The following AURKB variants were observed in gnomAD, a reference collection of about 807,000 sequenced individuals.
AURKB encodes the protein aurora kinase B.
In AURKB, 28 loss-of-function variants were observed where a neutral mutation model predicts 36.5. The ratio of observed to expected loss-of-function variants is 0.77; its 90% CI spans 0.57 to 1.05. The LOEUF is 1.05. Among genes scored for constraint, AURKB ranks in the 50% least tolerant of loss-of-function variants. The probability of loss-of-function intolerance (pLI) is 0.00; values close to 1 mark genes in which losing one functional copy is unlikely to be tolerated. For missense variants in AURKB, 383 were observed against 447.4 expected (o/e 0.86, Z 1.30); for synonymous variants, 175 against 172.9 (o/e 1.01, Z -0.09).
intron 4 of AURKB, 74 bp downstream of exon 4, chr17:8,207,497 G>T: frequency 1.9e-6 from 3 of 1,582,466 alleles, no homozygotes; most frequent in Non-Finnish European, 2.6e-6. Context: ...CCCGTGCTTA[G>T]GTTTTATCTC....
chr17:8,207,728 C>T lies in AURKB; in HGVS notation c.151+10G>A, dbSNP rs768259013. On this transcript the variant is annotated intron_variant, in intron 3 of 8. Transcript: ENST00000585124. ...CCCCAGCTCAGTCCTCTCCCCCTTG[C>T]GCCAGTTACCTGTGGGCTGGACATT... 3.2e-5 allele frequency: 51 copies of T among 1,613,902 alleles called. No homozygotes were observed. The highest frequency in any genetic ancestry group is 4.0e-5 in the Non-Finnish European group (47 of 1,179,916).
chr17:8,207,803 A>G lies in AURKB; in HGVS notation c.86T>C (p.Leu29Pro), dbSNP rs769224760. ...AGATGGGGTGACAGGCTCTTTCCGG[A>G]GGACTCGCTGGGGCAGGGTGCTCAG... is the stretch of plus-strand genomic sequence containing the variant. ...SGLSTLPQRV[L>P]RKEPVTPSAL... The change falls in exon 3 of 9, where the codon CTC becomes CCC. Residue 29 changes from leucine (L) to proline (P), a missense_variant. Leu to Pro is a moderately conservative substitution (Grantham distance 98). Coordinates refer to ENST00000585124, the MANE Select transcript of AURKB (RefSeq NM_004217.4). 9.9e-6 allele frequency: 16 copies of G among 1,613,974 alleles called. No homozygotes were observed. The East Asian group carries it at 3.1e-4, about 31-fold the overall frequency.
chr17:8,206,690 A>G lies in AURKB; in HGVS notation c.538-51T>C. The G allele has an allele frequency of 6.2e-7, 1 of 1,613,638 alleles. No homozygotes were observed. Among genetic ancestry groups the G allele is most frequent in the Non-Finnish European group, 8.5e-7 (1 of 1,179,700 alleles). On this transcript the variant is annotated intron_variant, in intron 6 of 8. Transcript: ENST00000585124. The surrounding 1 kb of genome is among the most constrained non-coding windows in gnomAD (Gnocchi z 4.2). ...AGACAAGGATGGACCTCCAGCTACAAGCAGCACACCCTCAGCCTCGAGCCC... is the reference window on the plus strand; with the variant it reads ...AGACAAGGATGGACCTCCAGCTACAGGCAGCACACCCTCAGCCTCGAGCCC...
chr17:8,208,593 AAAATAAAT>A (rs60763099), intron 2 of AURKB, among the ~76,000 whole-genome samples: 1,767 of 141,320 alleles, frequency 0.013, 40 homozygotes, highest in African/African-American at 0.042. Context: ...TCCGTCTCAA[AAAATAAAT>A]AAATAAATAA....
intron 4 of AURKB, 50 bp from the exon 5 acceptor site, chr17:8,207,417 G>A (rs926619736): frequency 1.3e-6 from 2 of 1,593,054 alleles, no homozygotes; most frequent in African/African-American, 2.7e-5. Context: ...TGGTTATTAA[G>A]AGGTTTGCTT....
intron 2 of AURKB, among the ~76,000 whole-genome samples, chr17:8,208,424 CA>C (rs749243188): frequency 3.7e-3 from 455 of 124,094 alleles, no homozygotes; most frequent in African/African-American, 9.9e-3. Flanking sequence ...GACTCCATCT[CA>C]AAAAAAAAAA....
Position 8,205,527 on chromosome 17 carries a change from G to A in AURKB, c.687-137C>T, listed in dbSNP as rs900415494. The A allele has an allele frequency of 2.3e-5, 25 of 1,096,630 alleles. No homozygotes were observed. The Admixed American group carries it at 5.5e-4, about 24-fold the overall frequency. The allele number at this position is 1,096,630 out of a possible 1,614,324, so 67.9% of individuals were successfully genotyped here. On this transcript the variant is annotated intron_variant, in intron 7 of 8. Transcript: ENST00000585124. The stretch of plus-strand genomic sequence containing the variant: ...CCAGCCAGGCAAGGCCACTGGAGTG[G>A]GGGTGGGGTTGGGGTGATGATATAT...
Position 8,204,734 on chromosome 17 carries a change from T to C in AURKB, c.*137A>G, listed in dbSNP as rs1485266246. ...CTCCACCTAGAAACATCTACACTCATGAGTACAAAAAGCTTCAGCCTTTAT... is the reference window on the plus strand; with the variant it reads ...CTCCACCTAGAAACATCTACACTCACGAGTACAAAAAGCTTCAGCCTTTAT... On this transcript the variant is annotated 3_prime_UTR_variant, in exon 9 of 9. Transcript: ENST00000585124. The C allele has an allele frequency of 5.0e-6, 6 of 1,195,054 alleles. No homozygotes were observed. The highest frequency in any genetic ancestry group is 4.6e-5 in the African/African-American group (3 of 64,578). The allele number at this position is 1,195,054 out of a possible 1,614,324, so 74.0% of individuals were successfully genotyped here.
intron 2 of AURKB, 67 bp downstream of exon 2, chr17:8,210,110 C>CAAGTT: frequency 6.3e-7 from 1 of 1,580,806 alleles, no homozygotes; most frequent in East Asian, 2.2e-5. Flanking sequence ...TGCAGGATCT[C>CAAGTT]AAGTTTCCCA....
chr17:8,206,049 C>T lies in AURKB; in HGVS notation c.686+442G>A, dbSNP rs754504890. Among the ~76,000 whole-genome samples the T allele has an allele frequency of 6.6e-6, 1 of 151,654 alleles. No homozygotes were observed. Among genetic ancestry groups the T allele is most frequent in the Non-Finnish European group, 1.5e-5 (1 of 67,916 alleles). ...GCTGGGACTGGTAGGCGTGAGCCAC[C>T]GCGCCTGGCCAAAGTTTTACCATTG... On this transcript the variant is annotated intron_variant, in intron 7 of 8. Coordinates refer to ENST00000585124, the MANE Select transcript of AURKB (RefSeq NM_004217.4). The surrounding 1 kb of genome is among the most constrained non-coding windows in gnomAD (Gnocchi z 4.2).
intron 2 of AURKB, chr17:8,208,086 G>C (rs1208187321): frequency 2.8e-6 from 1 of 362,518 alleles, no homozygotes; most frequent in African/African-American, 2.1e-5. Flanking sequence ...TTCAAGACCA[G>C]CCTGGCCAAC....
rs1364900170 is a variant in AURKB at position 8,206,042 on chromosome 17, G to A, written c.686+449C>T. Among the ~76,000 whole-genome samples the A allele has an allele frequency of 2.0e-5, 3 of 151,162 alleles. No individual in the cohort carries two copies. The highest frequency in any genetic ancestry group is 7.3e-5 in the African/African-American group (3 of 41,064). On this transcript the variant is annotated intron_variant, in intron 7 of 8. Coordinates refer to ENST00000585124, the MANE Select transcript of AURKB (RefSeq NM_004217.4). This position sits in a 1 kb window ranked among gnomAD's most constrained non-coding sequence, Gnocchi z 4.2. The stretch of plus-strand genomic sequence containing the variant: ...CCAAAGTGCTGGGACTGGTAGGCGT[G>A]AGCCACCGCGCCTGGCCAAAGTTTT...
rs1274444695 is a variant in AURKB, at chr17:8,206,765, C to T, written c.522G>A (p.Glu174=). 4.3e-6 allele frequency: 7 copies of T among 1,613,932 alleles called. No homozygotes were observed. The highest frequency in any genetic ancestry group is 5.9e-6 in the Non-Finnish European group (7 of 1,179,928). The change falls in exon 6 of 9, where the codon GAG becomes GAA. Residue 174 remains glutamate, a synonymous_variant. Transcript: ENST00000585124. The surrounding 1 kb of genome is among the most constrained non-coding windows in gnomAD (Gnocchi z 4.2). ...KELQKSCTFD[E]QRTATIMEEL... ...CCGCCCGGACCGTGGCTGTTCGCTG[C>T]TCGTCAAATGTGCAGCTCTTCTGCA... is the stretch of plus-strand genomic sequence containing the variant.
chr17:8,208,628 ATAAAAAAT>A (rs559452545), intron 2 of AURKB, among the ~76,000 whole-genome samples: 151 of 150,112 alleles, frequency 1.0e-3, no homozygotes, highest in African/African-American at 3.4e-3. Context: ...AAATAAATAA[ATAAAAAAT>A]AAATAACCTA....
intron 4 of AURKB, 74 bp from the exon 5 acceptor site, chr17:8,207,441 T>C (rs1597350168): frequency 6.4e-7 from 1 of 1,569,574 alleles, no homozygotes; most frequent in Non-Finnish European, 8.7e-7. Flanking sequence ...CTCTGCTTCC[T>C]CATCCCATCC....
At chr17:8,207,965 G>C (rs1985588190) in intron 2 of AURKB, 125 bp from the exon 3 acceptor site, 1 of 720,240 alleles carries the variant, frequency 1.4e-6, no homozygotes, top group Non-Finnish European at 2.3e-6. Context: ...AATTCAAAGA[G>C]AAACACTGAT....
chr17:8,205,209 C>T lies in AURKB; in HGVS notation c.861+7G>A. On this transcript the variant is annotated splice_region_variant and intron_variant, in intron 8 of 8. Transcript: ENST00000585124. Reference sequence around the variant, plus strand: ...CAGCTGGCACGAAGCCCAGGCCGCCCTCCCACCTTGACGATGCGGCGATAG... The same window carrying T: ...CAGCTGGCACGAAGCCCAGGCCGCCTTCCCACCTTGACGATGCGGCGATAG... 1.2e-6 allele frequency: 2 copies of T among 1,609,514 alleles called. No homozygotes were observed. The highest frequency in any genetic ancestry group is 1.7e-6 in the Non-Finnish European group (2 of 1,177,090).
intron 1 of AURKB, 45 bp downstream of exon 1, chr17:8,210,485 T>A (rs1985957413): frequency 3.9e-6 from 2 of 515,424 alleles, no homozygotes; most frequent in Non-Finnish European, 6.8e-6. Flanking sequence ...TACCTGATCA[T>A]CTGCCCACTC....
Position 8,207,195 on chromosome 17 carries a change from C to A in AURKB, c.379G>T (p.Glu127Ter). The change falls in exon 5 of 9, where the codon GAA becomes TAA. Residue 127 changes from glutamate to a stop codon, truncating the protein, a stop_gained. Coordinates refer to ENST00000585124, the MANE Select transcript of AURKB (RefSeq NM_004217.4). LOFTEE classifies it high-confidence loss of function. ...CCATACTGCAGGTGGGCCTGGATTT[C>A]GATCTCTCTGCGCAGCTGATGCTCC... is the stretch of plus-strand genomic sequence containing the variant. ...GVEHQLRREI[E>*]IQAHLHHPNI... 1 of 1,612,796 alleles carries A rather than the reference C, an allele frequency of 6.2e-7. No individual in the cohort carries two copies. Among genetic ancestry groups the A allele is most frequent in the Non-Finnish European group, 8.5e-7 (1 of 1,178,948 alleles).
Sources: gnomAD v4.1 joint callset for allele counts (sites outside exome capture counted in the v4.1 genomes callset) on GRCh38, gnomAD v4.1.1 for gene constraint, Gnocchi (gnomAD v3.1) non-coding constraint, MANE v1.5 for transcripts, NCBI Gene and HGNC (gene_info 2026-07-23, HGNC 2026-07-21) for gene names.